EDDM3A: variants seen among roughly 807,000 people sequenced by gnomAD.
The protein encoded by EDDM3A is epididymal protein 3A.
For missense variants in EDDM3A, 199 were observed against 177.4 expected (o/e 1.12, Z -0.69); for synonymous variants, 75 against 60.4 (o/e 1.24, Z -1.12).
At chr14:20,740,303 G>T in the EDDM3A span, among the ~76,000 whole-genome samples, 1 of 152,252 alleles carries the variant, frequency 6.6e-6, no homozygotes, top group African/African-American at 2.4e-5. Flanking sequence ...ATGGGCATTT[G>T]TCCATGGTTC....
the EDDM3A span, among the ~76,000 whole-genome samples, chr14:20,738,928 G>A: frequency 6.6e-6 from 1 of 151,224 alleles, no homozygotes; most frequent in African/African-American, 2.5e-5. Context: ...AGGGTCTCTT[G>A]TGATTTAGAG....
chr14:20,736,843 T>A, the EDDM3A span, among the ~76,000 whole-genome samples: 1 of 152,048 alleles, frequency 6.6e-6, no homozygotes, highest in South Asian at 2.1e-4. Context: ...CTCTAGTAGC[T>A]GGGATTATAG....
At chr14:20,739,441 T>C in the EDDM3A span, among the ~76,000 whole-genome samples, 1 of 152,196 alleles carries the variant, frequency 6.6e-6, no homozygotes, top group Admixed American at 6.5e-5. Flanking sequence ...GTGGACCTTA[T>C]AGGTGAGGCT....
chr14:20,742,305 T>C (rs999844445), upstream of EDDM3A, among the ~76,000 whole-genome samples: 1 of 152,230 alleles, frequency 6.6e-6, no homozygotes, highest in African/African-American at 2.4e-5. Context: ...TCTTAAACAA[T>C]ACCACCTGAG....
chr14:20,745,453 G>A (rs1258026260), upstream of EDDM3A, among the ~76,000 whole-genome samples: 4 of 150,878 alleles, frequency 2.7e-5, no homozygotes, highest in Admixed American at 2.0e-4. Context: ...GTGAACCCGG[G>A]AGGCGGAGCT....
At chr14:20,740,442 C>A in the EDDM3A span, among the ~76,000 whole-genome samples, 7,091 of 152,230 alleles carry the variant, frequency 0.047, 558 homozygotes, top group African/African-American at 0.16. Context: ...AATGGGAAAA[C>A]ATCTCTGGTA....
the EDDM3A span, among the ~76,000 whole-genome samples, chr14:20,739,031 A>T: frequency 6.6e-6 from 1 of 152,224 alleles, no homozygotes. Flanking sequence ...AGGCCAATGC[A>T]TACTCTATTT....
At chr14:20,739,114 C>T in the EDDM3A span, among the ~76,000 whole-genome samples, 1 of 152,158 alleles carries the variant, frequency 6.6e-6, no homozygotes, top group Admixed American at 6.5e-5. Context: ...CAGAGCATAC[C>T]TTGTGGCGGC....
At chr14:20,738,111 C>T in the EDDM3A span, among the ~76,000 whole-genome samples, 1 of 152,148 alleles carries the variant, frequency 6.6e-6, no homozygotes, top group Non-Finnish European at 1.5e-5. Context: ...TTTTTGAGTG[C>T]ACCTGGGGAG....
the EDDM3A span, among the ~76,000 whole-genome samples, chr14:20,739,976 T>C: frequency 6.6e-6 from 1 of 152,138 alleles, no homozygotes; most frequent in Non-Finnish European, 1.5e-5. Context: ...CCAACCAGTC[T>C]GAAGACCCCC....
chr14:20,740,854 C>A, the EDDM3A span, among the ~76,000 whole-genome samples: 1 of 152,086 alleles, frequency 6.6e-6, no homozygotes, highest in Non-Finnish European at 1.5e-5. Flanking sequence ...CCTCTTCTCA[C>A]ACCTGTCAGA....
chr14:20,747,554 G>C lies in EDDM3A; in HGVS notation c.-26-1G>C. 1 of 1,545,288 alleles carries C rather than the reference G, an allele frequency of 6.5e-7. No individual in the cohort carries two copies. Among genetic ancestry groups the C allele is most frequent in the Non-Finnish European group, 8.8e-7 (1 of 1,139,946 alleles). On this transcript the variant is annotated splice_acceptor_variant, in intron 1 of 1. Transcript: ENST00000326842. LOFTEE classifies it low-confidence loss of function (5UTR_SPLICE). The stretch of plus-strand genomic sequence containing the variant: ...AATGCTTTTCTTTCTCTTCCCTGTA[G>C]ACACGCAGGTGGACGTGGTGACTGA...
At chr14:20,745,307 A>G (rs997151629), upstream of EDDM3A, among the ~76,000 whole-genome samples, 47 of 151,540 alleles carry the variant, frequency 3.1e-4, no homozygotes, top group African/African-American at 1.1e-3. Flanking sequence ...CAGGCAGATC[A>G]TGAGGTCAGG....
chr14:20,747,778 T>G lies in EDDM3A; in HGVS notation c.198T>G (p.His66Gln). 6.2e-7 allele frequency: 1 copy of G among 1,614,166 alleles called. No homozygotes were observed. The highest frequency in any genetic ancestry group is 1.1e-5 in the South Asian group (1 of 91,088). Residue 66 changes from histidine (H) to glutamine (Q), a missense_variant, in exon 2 of 2, where the codon CAT (histidine) becomes CAG (glutamine). By Grantham distance (24) the His-to-Gln change is conservative. Coordinates refer to ENST00000326842, the MANE Select transcript of EDDM3A (RefSeq NM_006683.5). ...EKEALKGKSF[H>Q]MFIYSLWFKI... Reference sequence around the variant, plus strand: ...AGGCTCTGAAAGGCAAGAGCTTTCATATGTTCATCTATAGCTTATGGTTCA... The same window carrying G: ...AGGCTCTGAAAGGCAAGAGCTTTCAGATGTTCATCTATAGCTTATGGTTCA...
upstream of EDDM3A, among the ~76,000 whole-genome samples, chr14:20,743,040 A>C (rs1877484786): frequency 6.6e-6 from 1 of 152,124 alleles, no homozygotes; most frequent in Admixed American, 6.6e-5. Flanking sequence ...CAGCCCCTAC[A>C]TTTCAATATG....
At chr14:20,743,941 T>TTA (rs1195033664), upstream of EDDM3A, among the ~76,000 whole-genome samples, 1 of 32,518 alleles carries the variant, frequency 3.1e-5, no homozygotes, top group South Asian at 8.3e-4. Flanking sequence ...GAGTCCATGA[T>TTA]TTTTTTTCCA....
In EDDM3A at chr14:20,747,953, T is replaced by A. The variant is rs1330585008; in HGVS notation, c.373T>A (p.Phe125Ile). The A allele has an allele frequency of 3.7e-6, 6 of 1,613,992 alleles. No individual in the cohort carries two copies. The highest frequency in any genetic ancestry group is 5.1e-6 in the Non-Finnish European group (6 of 1,180,006). ...GAGCAGAAGCTTCAGCTACATTGAA[T>A]TCCATTGTGGCGTAGATGGATATGT... Reference protein sequence around the residue: ...TESRSFSYIEFHCGVDGYVDN... With the variant: ...TESRSFSYIEIHCGVDGYVDN... Residue 125 changes from phenylalanine (F) to isoleucine (I), a missense_variant, in exon 2 of 2, where the codon TTC becomes ATC. Physicochemically the swap from Phe to Ile is conservative, Grantham distance 21. Transcript: ENST00000326842.
At chr14:20,747,173 G>A (rs140669682) in intron 1 of EDDM3A, among the ~76,000 whole-genome samples, 4,070 of 147,158 alleles carry the variant, frequency 0.028, 209 homozygotes, top group African/African-American at 0.098. Flanking sequence ...GTGTGATGTC[G>A]GCTCACCGCA....
intron 1 of EDDM3A, 145 bp from the exon 2 acceptor site, chr14:20,747,410 C>G: frequency 1.7e-6 from 1 of 593,610 alleles, no homozygotes; most frequent in Non-Finnish European, 2.9e-6. Context: ...AAACTGTATT[C>G]TTTAATGAGA....
Sources: allele counts gnomAD v4.1 joint callset (sites outside exome capture counted in the v4.1 genomes callset), GRCh38; gene constraint gnomAD v4.1.1; transcripts MANE v1.5; gene names NCBI Gene and HGNC (gene_info 2026-07-23, HGNC 2026-07-21).